RBFOX3: variants seen among roughly 807,000 people sequenced by gnomAD.
The protein encoded by RBFOX3 is RNA binding protein fox-1 homolog 3.
In RBFOX3, 17 loss-of-function variants were observed where a neutral mutation model predicts 48.7. The observed-to-expected ratio is 0.35, with a 90% CI of 0.24 to 0.52. The LOEUF (loss-of-function observed/expected upper bound fraction) is 0.52. Ranked by LOEUF, RBFOX3 falls within the 20% of genes least tolerant of loss-of-function variation. RBFOX3 has a pLI of 0.94. For synonymous variants in RBFOX3, 212 were observed against 209.5 expected (o/e 1.01, Z -0.10); for missense variants, 382 against 497.5 (o/e 0.77, Z 2.21).
Position 79,418,945 on chromosome 17 carries a change from T to C in RBFOX3, c.-175+63509A>G, listed in dbSNP as rs972891547. Among the ~76,000 whole-genome samples, 29 of 152,304 alleles carry C rather than the reference T, an allele frequency of 1.9e-4. No homozygotes were observed. Among genetic ancestry groups the C allele is most frequent in the African/African-American group, 6.5e-4 (27 of 41,550 alleles). On this transcript the variant is annotated intron_variant, in intron 2 of 14. Transcript: ENST00000693108. This position sits in a 1 kb window ranked among gnomAD's most constrained non-coding sequence, Gnocchi z 5.0. ...TATAGCAATTATATTCACATTCTGC[T>C]AGACAAATAGATTTTACAAGCCCTC... is the stretch of plus-strand genomic sequence containing the variant.
At chr17:79,115,867 C>T (rs971350753) in intron 4 of RBFOX3, 119 bp from the exon 5 acceptor site, 13 of 536,584 alleles carry the variant, frequency 2.4e-5, no homozygotes, top group South Asian at 2.4e-5. Flanking sequence ...AGCCTTTCCC[C>T]GGCCCCTCCA....
intron 2 of RBFOX3, among the ~76,000 whole-genome samples, chr17:79,422,610 G>GGGGCCAGGCTGGGCA (rs1483866563): frequency 2.0e-5 from 3 of 152,208 alleles, no homozygotes; most frequent in African/African-American, 7.2e-5. Context: ...CAGGCTGGGC[G>GGGGCCAGGCTGGGCA]GGGCCAGGCT....
At chr17:79,653,956 T>C in the RBFOX3 span, among the ~76,000 whole-genome samples, 1 of 151,884 alleles carries the variant, frequency 6.6e-6, no homozygotes, top group African/African-American at 2.4e-5. Context: ...GCACCTGTAC[T>C]GGAAAGTCTC....
Position 79,311,803 on chromosome 17 carries a change from C to A in RBFOX3, c.-174-3979G>T, listed in dbSNP as rs1407588666. Among the ~76,000 whole-genome samples, 3 of 152,058 alleles carry A rather than the reference C, an allele frequency of 2.0e-5. No homozygotes were observed. The highest frequency in any genetic ancestry group is 3.2e-3 in the Middle Eastern group (1 of 316). The stretch of plus-strand genomic sequence containing the variant: ...AGCAGTGCCCCCATGATGGCAGAAA[C>A]GGGGAACAGGAAGGAGGCAGCCCAA... On this transcript the variant is annotated intron_variant, in intron 2 of 14. Transcript: ENST00000693108. This position sits in a 1 kb window ranked among gnomAD's most constrained non-coding sequence, Gnocchi z 4.2.
At chr17:79,607,394 G>C (rs2093857102) in intron 1 of RBFOX3, among the ~76,000 whole-genome samples, 1 of 152,134 alleles carries the variant, frequency 6.6e-6, no homozygotes, top group Admixed American at 6.5e-5. Flanking sequence ...TGCAGGCTCT[G>C]GGCTGGGCTG....
chr17:79,588,333 G>T (rs1395045565), intron 1 of RBFOX3, among the ~76,000 whole-genome samples: 2 of 152,104 alleles, frequency 1.3e-5, no homozygotes, highest in Non-Finnish European at 2.9e-5. Context: ...CTCCCCCGGG[G>T]ACTCTGGGTG....
chr17:79,159,477 T>C (rs2046507513), intron 4 of RBFOX3, among the ~76,000 whole-genome samples: 1 of 152,074 alleles, frequency 6.6e-6, no homozygotes. Flanking sequence ...AGGGCTGGAC[T>C]CCACACGCAT....
At chr17:79,387,603 A>G (rs2060737415) in intron 2 of RBFOX3, among the ~76,000 whole-genome samples, 1 of 152,242 alleles carries the variant, frequency 6.6e-6, no homozygotes, top group South Asian at 2.1e-4. Flanking sequence ...AGCCAAATAC[A>G]AATGAGGGGC....
chr17:79,623,640 G>T, the RBFOX3 span, among the ~76,000 whole-genome samples: 26 of 151,940 alleles, frequency 1.7e-4, no homozygotes, highest in East Asian at 3.5e-3. Context: ...ATGGTGAAAC[G>T]CTGTCTCTAC....
chr17:79,184,726 A>C (rs2053045566), intron 4 of RBFOX3, among the ~76,000 whole-genome samples: 1 of 152,214 alleles, frequency 6.6e-6, no homozygotes, highest in Admixed American at 6.5e-5. Context: ...ACCTTAGGGC[A>C]CTTGTGACTC....
chr17:79,292,600 GC>G (rs1567988290), intron 3 of RBFOX3, among the ~76,000 whole-genome samples: 17 of 79,080 alleles, frequency 2.1e-4, no homozygotes, highest in East Asian at 4.2e-4. Flanking sequence ...ACACACACAC[GC>G]ACACACACAC....
chr17:79,094,928 G>C (rs898399546), intron 13 of RBFOX3, among the ~76,000 whole-genome samples: 1 of 152,134 alleles, frequency 6.6e-6, no homozygotes, highest in Non-Finnish European at 1.5e-5. Context: ...AACGAGGAGG[G>C]ACCAGGAACA....
chr17:79,228,382 C>A (rs531051231), intron 4 of RBFOX3, among the ~76,000 whole-genome samples: 4 of 152,168 alleles, frequency 2.6e-5, no homozygotes, highest in African/African-American at 7.2e-5. Flanking sequence ...GGAACACGCC[C>A]GGACAAGCCT....
the RBFOX3 span, among the ~76,000 whole-genome samples, chr17:79,660,003 A>G: frequency 6.6e-6 from 1 of 152,150 alleles, no homozygotes. Flanking sequence ...CCTGGCCAAC[A>G]TGGTGAAACC....
rs144172943 is a variant in RBFOX3, at chr17:79,390,451, C to A, written c.-174-82627G>T. On this transcript the variant is annotated intron_variant, in intron 2 of 14. Transcript: ENST00000693108. The surrounding 1 kb of genome is among the most constrained non-coding windows in gnomAD (Gnocchi z 4.2). ...GAAAATGCACTCAGAGTCCAACCGGCGTGGAAATACAGTCTTTGCGCCACT... is the reference window on the plus strand; with the variant it reads ...GAAAATGCACTCAGAGTCCAACCGGAGTGGAAATACAGTCTTTGCGCCACT... Among the ~76,000 whole-genome samples the A allele has an allele frequency of 1.0e-4, 15 of 150,536 alleles. No homozygotes were observed. Among genetic ancestry groups the A allele is most frequent in the African/African-American group, 3.4e-4 (14 of 40,964 alleles).
chr17:79,454,092 C>CA (rs1238598492), intron 2 of RBFOX3, among the ~76,000 whole-genome samples: 32 of 152,208 alleles, frequency 2.1e-4, no homozygotes, highest in African/African-American at 7.2e-4. Flanking sequence ...CCAGGGGAGG[C>CA]AATGCCGTCT....
chr17:79,663,229 T>C, the RBFOX3 span, among the ~76,000 whole-genome samples: 1 of 152,158 alleles, frequency 6.6e-6, no homozygotes, highest in Non-Finnish European at 1.5e-5. Flanking sequence ...AAGCCAAATG[T>C]TTTCTATGAT....
intron 4 of RBFOX3, among the ~76,000 whole-genome samples, chr17:79,129,163 C>T (rs377281677): frequency 6.6e-6 from 1 of 152,142 alleles, no homozygotes. Flanking sequence ...AGAGTAGTGA[C>T]GGACGGTGGC....
Position 79,093,017 on chromosome 17 carries a change from T to C in RBFOX3, c.1077+1434A>G, listed in dbSNP as rs536568340. ...CCCCAGCAGGGTGGCACGGGGCATC[T>C]TCAGAGCACTGAGGGACCTCCTGGC... is the stretch of plus-strand genomic sequence containing the variant. On this transcript the variant is annotated intron_variant, in intron 14 of 14. Coordinates refer to ENST00000693108, the MANE Select transcript of RBFOX3 (RefSeq NM_001350451.2). Among the ~76,000 whole-genome samples, 3 of 152,294 alleles carry C rather than the reference T, an allele frequency of 2.0e-5. No homozygotes were observed. The South Asian group carries it at 6.2e-4, about 32-fold the overall frequency.
Sources: allele counts gnomAD v4.1 joint callset (sites outside exome capture counted in the v4.1 genomes callset), GRCh38; gene constraint gnomAD v4.1.1; non-coding constraint Gnocchi (gnomAD v3.1); transcripts MANE v1.5; gene names NCBI Gene and HGNC (gene_info 2026-07-23, HGNC 2026-07-21).